Variants in GPC1 observed in about 807,000 individuals in gnomAD.
GPC1 encodes the protein glypican-1.
GPC1 carries 26 observed loss-of-function variants against 51.5 expected under a neutral mutation model. That is an observed-to-expected ratio of 0.50 (90% CI 0.37 to 0.70). The LOEUF (loss-of-function observed/expected upper bound fraction) is 0.70, where lower values mean the gene tolerates loss of function less well. GPC1 is among the 30% of genes least tolerant of loss of function. The pLI is 0.00. For synonymous variants in GPC1, 380 were observed against 348.3 expected (o/e 1.09, Z -1.01); for missense variants, 775 against 800.5 (o/e 0.97, Z 0.38).
intron 1 of GPC1, chr2:240,452,865 G>T: frequency 4.6e-6 from 1 of 216,440 alleles, no homozygotes; most frequent in Non-Finnish European, 9.3e-6. Flanking sequence ...AGTCTCCCGC[G>T]CGCCCGGCGG....
chr2:240,460,535 G>A (rs747242405), intron 2 of GPC1, among the ~76,000 whole-genome samples: 9 of 152,028 alleles, frequency 5.9e-5, no homozygotes, highest in Non-Finnish European at 1.0e-4. Flanking sequence ...CCATCCTCCT[G>A]GCCTGGGGAC....
intron 1 of GPC1, chr2:240,455,051 G>T: frequency 5.4e-6 from 1 of 184,282 alleles, no homozygotes; most frequent in South Asian, 1.0e-4. Flanking sequence ...TGGGGGCTTA[G>T]TGAGGAGCAG....
At chr2:240,455,023 A>T (rs761256840) in intron 1 of GPC1, 8 of 197,140 alleles carry the variant, frequency 4.1e-5, no homozygotes, top group Non-Finnish European at 9.5e-5. Context: ...CCTAAAAGGT[A>T]TCCAAAGTTA....
Position 240,466,301 on chromosome 2 carries a change from GCCC to G in GPC1, c.*13_*15del, listed in dbSNP as rs759434189. The G allele has an allele frequency of 7.0e-7, 1 of 1,437,572 alleles. No homozygotes were observed. The highest frequency in any genetic ancestry group is 9.8e-7 in the Non-Finnish European group (1 of 1,019,944). 89.1% of individuals were successfully genotyped at this position (1,437,572 alleles called of 1,614,324 possible). A position where few individuals can be genotyped will look rare whatever the true frequency, so the allele number is the denominator to read the frequency against. On this transcript the variant is annotated 3_prime_UTR_variant, in exon 9 of 9. Transcript: ENST00000264039. Reference sequence around the variant, plus strand: ...CCCCGGTGGCGGTAACTGCCCCAAGGCCCCAGGGACAGAGGCCAAGGACTGACT... The same window carrying G: ...CCCCGGTGGCGGTAACTGCCCCAAGGCAGGGACAGAGGCCAAGGACTGACT...
At chr2:240,455,862 GGAAGCCAGCGGGAGGCCTCCT>G in intron 1 of GPC1, 1 of 285,818 alleles carries the variant, frequency 3.5e-6, no homozygotes, top group South Asian at 2.6e-5. Context: ...CTCCGCAGAA[GGAAGCCAGCGGGAGGCCTCCT>G]GCCTTTGACT....
At chr2:240,458,858 C>G (rs2074192555) in intron 1 of GPC1, 172 bp from the exon 2 acceptor site, 2 of 590,530 alleles carry the variant, frequency 3.4e-6, no homozygotes, top group African/African-American at 1.9e-5. Context: ...GCCTTTTCCT[C>G]CCTCCACACC....
chr2:240,462,791 A>T (rs1264318079), intron 3 of GPC1, among the ~76,000 whole-genome samples: 1 of 152,226 alleles, frequency 6.6e-6, no homozygotes, highest in East Asian at 1.9e-4. Context: ...TGCTCTGGGC[A>T]GGCGGCTCTG....
intron 1 of GPC1, chr2:240,451,099 C>G (rs3828336): frequency 2.1e-6 from 1 of 470,102 alleles, no homozygotes; most frequent in Non-Finnish European, 4.4e-6. Flanking sequence ...GGTGAGCGGC[C>G]GAGTTCCTTT....
intron 1 of GPC1, among the ~76,000 whole-genome samples, chr2:240,446,805 C>T (rs1362753494): frequency 6.6e-6 from 1 of 152,170 alleles, no homozygotes; most frequent in Non-Finnish European, 1.5e-5. Context: ...ATAGGAAGGG[C>T]TGGGTTCTTC....
intron 8 of GPC1, among the ~76,000 whole-genome samples, 180 bp from the exon 9 acceptor site, chr2:240,465,878 A>G (rs2074257197): frequency 6.6e-6 from 1 of 152,090 alleles, no homozygotes; most frequent in Non-Finnish European, 1.5e-5. Context: ...GGACCAAGGG[A>G]GGCAGCCCCA....
At chr2:240,455,062 C>A in intron 1 of GPC1, 2 of 180,148 alleles carry the variant, frequency 1.1e-5, no homozygotes, top group Non-Finnish European at 2.7e-5. Flanking sequence ...TGAGGAGCAG[C>A]AGAGTGGGGT....
chr2:240,461,565 G>C (rs937869197), intron 2 of GPC1, among the ~76,000 whole-genome samples: 1 of 152,124 alleles, frequency 6.6e-6, no homozygotes, highest in Admixed American at 6.5e-5. Context: ...GCCCAGCAGG[G>C]GAGATGTCTG....
Position 240,435,744 on chromosome 2 carries a change from C to G in GPC1, c.-175C>G, listed in dbSNP as rs2073978730. 6.7e-6 allele frequency: 2 copies of G among 299,502 alleles called. No individual in the cohort carries two copies. The highest frequency in any genetic ancestry group is 1.2e-5 in the Non-Finnish European group (2 of 172,344). 18.6% of individuals were successfully genotyped at this position (299,502 alleles called of 1,614,324 possible). A position where few individuals can be genotyped will look rare whatever the true frequency, so the allele number is the denominator to read the frequency against. On this transcript the variant is annotated 5_prime_UTR_variant, in exon 1 of 9. Transcript: ENST00000264039. Reference sequence around the variant, plus strand: ...GACCTCGCACCCCGCGCGCCCCGCGCCGCCGCCGCCGCCGGCTTTTGTTGT... The same window carrying G: ...GACCTCGCACCCCGCGCGCCCCGCGGCGCCGCCGCCGCCGGCTTTTGTTGT...
At chr2:240,449,991 G>A (rs1316604211) in intron 1 of GPC1, 3 of 455,112 alleles carry the variant, frequency 6.6e-6, no homozygotes, top group Non-Finnish European at 1.3e-5. Context: ...CGGCTCTGGT[G>A]AATAATGCTG....
intron 1 of GPC1, among the ~76,000 whole-genome samples, chr2:240,440,418 C>T (rs1404296994): frequency 6.6e-6 from 1 of 152,220 alleles, no homozygotes; most frequent in African/African-American, 2.4e-5. Flanking sequence ...TAAAGCCAGG[C>T]CAGGCTGCTT....
chr2:240,457,833 A>C (rs1388409373), intron 1 of GPC1: 2 of 332,394 alleles, frequency 6.0e-6, no homozygotes, highest in Non-Finnish European at 1.2e-5. Flanking sequence ...ACCCTGGCCC[A>C]GGGTCCCAGA....
Position 240,465,586 on chromosome 2 carries a change from A to G in GPC1, c.1382A>G (p.Lys461Arg), listed in dbSNP as rs1280318491. Reference protein sequence around the residue: ...MTIRQQIMQLKIMTNRLRSAY... With the variant: ...MTIRQQIMQLRIMTNRLRSAY... ...ATCCGGCAGCAGATCATGCAGCTGAAGATCATGACCAACCGGCTGCGCAGC... is the reference window on the plus strand; with the variant it reads ...ATCCGGCAGCAGATCATGCAGCTGAGGATCATGACCAACCGGCTGCGCAGC... The change falls in exon 8 of 9, where the codon AAG becomes AGG. Residue 461 changes from lysine to arginine, a missense_variant. Transcript: ENST00000264039. 1 of 1,613,014 alleles carries G rather than the reference A, an allele frequency of 6.2e-7. No individual in the cohort carries two copies. The highest frequency in any genetic ancestry group is 1.3e-5 in the African/African-American group (1 of 74,952).
chr2:240,445,836 G>T (rs572183185), intron 1 of GPC1, among the ~76,000 whole-genome samples: 1 of 152,156 alleles, frequency 6.6e-6, no homozygotes, highest in South Asian at 2.1e-4. Flanking sequence ...GGAAAACGGC[G>T]TCCTCTCACT....
At chr2:240,440,891 T>C (rs1457562906) in intron 1 of GPC1, among the ~76,000 whole-genome samples, 1 of 152,256 alleles carries the variant, frequency 6.6e-6, no homozygotes, top group Admixed American at 6.5e-5. Flanking sequence ...CTCCACTGCC[T>C]GTGGGGGGCA....
Sources: allele counts gnomAD v4.1 joint callset (sites outside exome capture counted in the v4.1 genomes callset), GRCh38; gene constraint gnomAD v4.1.1; transcripts MANE v1.5; gene names NCBI Gene and HGNC (gene_info 2026-07-23, HGNC 2026-07-21).